RINT1: variants seen among roughly 807,000 people sequenced by gnomAD.
RINT1 encodes RAD50-interacting protein 1.
A neutral mutation model predicts 97.7 loss-of-function variants in RINT1; 75 were observed. That is an observed-to-expected ratio of 0.77 (90% CI 0.64 to 0.93). The LOEUF is 0.93. Ranked by LOEUF, RINT1 falls within the 40% of genes least tolerant of loss-of-function variation. The pLI, the probability that RINT1 is intolerant of heterozygous loss-of-function variation, is 0.00. For synonymous variants in RINT1, 303 were observed against 326.3 expected (o/e 0.93, Z 0.77); for missense variants, 892 against 925.2 (o/e 0.96, Z 0.47).
At chr7:105,556,851 CAA>C (rs1791202428) in intron 11 of RINT1, among the ~76,000 whole-genome samples, 1 of 152,186 alleles carries the variant, frequency 6.6e-6, no homozygotes, top group African/African-American at 2.4e-5. Flanking sequence ...TGCTTCCAAA[CAA>C]AAGTCTAATT....
intron 11 of RINT1, among the ~76,000 whole-genome samples, chr7:105,556,010 T>C (rs1791164488): frequency 6.6e-6 from 1 of 151,378 alleles, no homozygotes; most frequent in Non-Finnish European, 1.5e-5. Flanking sequence ...TTTTCAAATA[T>C]ATGCAAGAGT....
At position 105,536,680 on chromosome 7, in the gene RINT1, T is replaced by G. The variant is rs954823978; in HGVS notation, c.204T>G (p.Leu68=). The change falls in exon 3 of 15, where the codon CTT becomes CTG. Residue 68 remains leucine (L), a synonymous_variant. Transcript: ENST00000257700. The part of the protein sequence containing the change: ...AFIEKEVGND[L]KSLKKLDKLI... ...TAGAAAAGGAAGTTGGAAATGACCT[T>G]AAATCTTTAAAGAAACTTGATAAAC... 1 of 1,612,906 alleles carries G rather than the reference T, an allele frequency of 6.2e-7. No homozygotes were observed. The highest frequency in any genetic ancestry group is 8.5e-7 in the Non-Finnish European group (1 of 1,179,338).
chr7:105,536,664 A>C lies in RINT1; in HGVS notation c.188A>C (p.Glu63Ala). The C allele has an allele frequency of 6.2e-7, 1 of 1,613,216 alleles. No homozygotes were observed. The change falls in exon 3 of 15, where the codon GAA becomes GCA. Residue 63 changes from glutamate (E) to alanine (A), a missense_variant. Transcript: ENST00000257700. ...TATGTGTCTGCATTCATAGAAAAGG[A>C]AGTTGGAAATGACCTTAAATCTTTA... The part of the protein sequence containing the change: ...PSYVSAFIEK[E>A]VGNDLKSLKK...
chr7:105,548,741 T>C, intron 7 of RINT1, 31 bp downstream of exon 7: 1 of 1,571,120 alleles, frequency 6.4e-7, no homozygotes. Flanking sequence ...TCCTTGGTTT[T>C]TATTGGTAAC....
In RINT1 at chr7:105,561,800, G is replaced by C. The variant is rs183784425; in HGVS notation, c.1672-1933G>C. ...TGGTCTCAAACTCCTGACCTCAGGT[G>C]ATCCACCTGCGTCAGCCTCCCAAAG... is the stretch of plus-strand genomic sequence containing the variant. On this transcript the variant is annotated intron_variant, in intron 11 of 14. Coordinates refer to ENST00000257700, the MANE Select transcript of RINT1 (RefSeq NM_021930.6). Among the ~76,000 whole-genome samples, 16 of 152,112 alleles carry C rather than the reference G, an allele frequency of 1.1e-4. 1 individual carries two copies. The highest frequency in any genetic ancestry group is 3.3e-4 in the Admixed American group (5 of 15,280).
chr7:105,557,275 T>G (rs1344168552), intron 11 of RINT1, among the ~76,000 whole-genome samples: 1 of 152,096 alleles, frequency 6.6e-6, no homozygotes, highest in African/African-American at 2.4e-5. Context: ...TTAAATATAC[T>G]ATTAGAATGT....
chr7:105,564,732 G>C (rs1400117998), intron 12 of RINT1, among the ~76,000 whole-genome samples: 2 of 152,166 alleles, frequency 1.3e-5, no homozygotes, highest in Non-Finnish European at 2.9e-5. Flanking sequence ...TGGGTGCAGT[G>C]GCTCACACCT....
chr7:105,558,210 G>A (rs921775248), intron 11 of RINT1, among the ~76,000 whole-genome samples: 2 of 150,000 alleles, frequency 1.3e-5, no homozygotes, highest in African/African-American at 2.4e-5. Flanking sequence ...CAGAAGAATC[G>A]CTTGAACCCA....
At chr7:105,554,998 C>T (rs1470027593) in intron 10 of RINT1, 30 bp from the exon 11 acceptor site, 1 of 1,581,888 alleles carries the variant, frequency 6.3e-7, no homozygotes, top group Admixed American at 1.7e-5. Flanking sequence ...GTACCAAAAC[C>T]TTCATATGTC....
intron 14 of RINT1, among the ~76,000 whole-genome samples, chr7:105,565,997 T>C (rs1342651551): frequency 6.6e-6 from 1 of 152,070 alleles, no homozygotes; most frequent in Non-Finnish European, 1.5e-5. Context: ...GGGCCGGGCG[T>C]GGTGGCTCAC....
chr7:105,549,324 A>C (rs532262190), intron 7 of RINT1, among the ~76,000 whole-genome samples: 2 of 151,684 alleles, frequency 1.3e-5, no homozygotes, highest in African/African-American at 4.8e-5. Flanking sequence ...TGTATAAGAC[A>C]TGCGTAGTTT....
intron 3 of RINT1, among the ~76,000 whole-genome samples, chr7:105,537,704 CGG>C: frequency 6.6e-6 from 1 of 151,328 alleles, no homozygotes; most frequent in East Asian, 2.0e-4. Context: ...GGTGTGGTGG[CGG>C]GCACCTGTAA....
chr7:105,544,193 A>G (rs1790570995), intron 4 of RINT1, among the ~76,000 whole-genome samples: 1 of 152,054 alleles, frequency 6.6e-6, no homozygotes, highest in Non-Finnish European at 1.5e-5. Flanking sequence ...TCTTGTTTAG[A>G]TAAATTATTT....
chr7:105,541,228 C>G (rs1790444556), intron 3 of RINT1, among the ~76,000 whole-genome samples: 1 of 151,766 alleles, frequency 6.6e-6, no homozygotes, highest in Non-Finnish European at 1.5e-5. Context: ...CTGCAACCTC[C>G]TCCCGGTTCA....
intron 4 of RINT1, among the ~76,000 whole-genome samples, chr7:105,543,919 T>A (rs1790557738): frequency 1.3e-5 from 2 of 150,050 alleles, no homozygotes; most frequent in Admixed American, 1.3e-4. Context: ...TGAAACCCCG[T>A]CTCTACTAAA....
At position 105,542,422 on chromosome 7, in the gene RINT1, A is replaced by T; in HGVS notation, c.288A>T (p.Ser96=). The T allele has an allele frequency of 6.2e-7, 1 of 1,603,078 alleles. No individual in the cohort carries two copies. The highest frequency in any genetic ancestry group is 8.5e-7 in the Non-Finnish European group (1 of 1,170,590). The change falls in exon 4 of 15, where the codon TCA becomes TCT. Residue 96 remains serine, a synonymous_variant. Coordinates refer to ENST00000257700, the MANE Select transcript of RINT1 (RefSeq NM_021930.6). ...MQLEEQVLTI[S]SEIPKRIRSA... is the part of the protein sequence containing the mutation. Reference sequence around the variant, plus strand: ...ATTATGGTCAGGTACTTACAATTTCATCAGAAATTCCTAAAAGAATTCGAA... The same window carrying T: ...ATTATGGTCAGGTACTTACAATTTCTTCAGAAATTCCTAAAAGAATTCGAA...
Position 105,548,540 on chromosome 7 carries a change from CTTGA to C in RINT1, c.840-11_840-8del. 1.2e-6 allele frequency: 2 copies of C among 1,613,536 alleles called. No homozygotes were observed. The highest frequency in any genetic ancestry group is 1.7e-6 in the Non-Finnish European group (2 of 1,179,600). ...TATGCTTTTGATTCTTTTTCCTTGA[CTTGA>C]TTATGTCAGAGATGAATTACTTACT... On this transcript the variant is annotated splice_polypyrimidine_tract_variant and intron_variant, in intron 6 of 14. Transcript: ENST00000257700.
At chr7:105,534,445 C>A (rs1728651) in intron 2 of RINT1, among the ~76,000 whole-genome samples, 7,170 of 151,992 alleles carry the variant, frequency 0.047, 448 homozygotes, top group African/African-American at 0.15. Context: ...CAAAACATTT[C>A]CTGCCTCCAT....
At chr7:105,550,026 G>T in intron 7 of RINT1, 29 bp from the exon 8 acceptor site, 1 of 1,377,364 alleles carries the variant, frequency 7.3e-7, no homozygotes, top group Non-Finnish European at 1.0e-6. Context: ...AATGACTTAA[G>T]AATTCAAACT....
Sources: allele counts gnomAD v4.1 joint callset (sites outside exome capture counted in the v4.1 genomes callset), GRCh38; gene constraint gnomAD v4.1.1; transcripts MANE v1.5; gene names NCBI Gene and HGNC (gene_info 2026-07-23, HGNC 2026-07-21).